TF: variants seen among roughly 807,000 people sequenced by gnomAD.
TF encodes the protein serotransferrin.
In TF, 55 loss-of-function variants were observed where a neutral mutation model predicts 82.4. The ratio of observed to expected loss-of-function variants is 0.67; its 90% CI spans 0.54 to 0.84. TF has a LOEUF of 0.84. Ranked by LOEUF, TF falls within the 40% of genes least tolerant of loss-of-function variation. The pLI, the probability that TF is intolerant of heterozygous loss-of-function variation, is 0.00. For missense variants in TF, 737 were observed against 868.4 expected (o/e 0.85, Z 1.90); for synonymous variants, 332 against 332.6 (o/e 1.00, Z 0.02).
At chr3:133,763,858 A>ATT (rs1322610638) in intron 9 of TF, among the ~76,000 whole-genome samples, 1 of 152,222 alleles carries the variant, frequency 6.6e-6, no homozygotes, top group African/African-American at 2.4e-5. Flanking sequence ...GCACGTGAGA[A>ATT]TTCTTGGTGT....
chr3:133,754,288 G>A (rs998877296), intron 3 of TF, among the ~76,000 whole-genome samples: 2 of 152,192 alleles, frequency 1.3e-5, no homozygotes, highest in African/African-American at 4.8e-5. Context: ...CTGTTTGCCT[G>A]GAGGGGTAAT....
At chr3:133,746,868 C>A (rs1933516600) in intron 1 of TF, among the ~76,000 whole-genome samples, 1 of 152,194 alleles carries the variant, frequency 6.6e-6, no homozygotes. Context: ...CCCCTGGGTG[C>A]CCTGGGAGCT....
At chr3:133,730,771 A>C in the TF span, among the ~76,000 whole-genome samples, 1 of 152,238 alleles carries the variant, frequency 6.6e-6, no homozygotes, top group South Asian at 2.1e-4. Context: ...ACATGTTTAC[A>C]TACAATTTTT....
chr3:133,681,471 C>T, the TF span, among the ~76,000 whole-genome samples: 114 of 152,326 alleles, frequency 7.5e-4, no homozygotes, highest in African/African-American at 1.3e-3. Flanking sequence ...CCGTGACAGA[C>T]GGCACCTGGA....
At chr3:133,754,195 AG>A (rs1400782227) in intron 3 of TF, 5 of 449,108 alleles carry the variant, frequency 1.1e-5, no homozygotes, top group Non-Finnish European at 2.1e-5. Flanking sequence ...CTGGTGGCTG[AG>A]GTTGGTAGGT....
intron 9 of TF, 21 bp from the exon 10 acceptor site, chr3:133,764,161 T>G: frequency 6.2e-7 from 1 of 1,609,484 alleles, no homozygotes; most frequent in Non-Finnish European, 8.5e-7. Context: ...TCATCTGCTG[T>G]GATTTGCTGT....
Position 133,766,414 on chromosome 3 carries a change from G to A in TF, c.1467G>A (p.Lys489=), listed in dbSNP as rs995626265. Residue 489 remains lysine, a synonymous_variant, in exon 12 of 17, where the codon AAG becomes AAA. Coordinates refer to ENST00000402696, the MANE Select transcript of TF (RefSeq NM_001063.4). ...WNIPMGLLYN[K]INHCRFDEFF... is the part of the protein sequence containing the mutation. ...TCCCCATGGGCCTGCTCTACAATAAGATCAACCACTGCAGATTTGGTGAGT... is the reference window on the plus strand; with the variant it reads ...TCCCCATGGGCCTGCTCTACAATAAAATCAACCACTGCAGATTTGGTGAGT... The A allele has an allele frequency of 6.2e-7, 1 of 1,614,196 alleles. No homozygotes were observed. Among genetic ancestry groups the A allele is most frequent in the Non-Finnish European group, 8.5e-7 (1 of 1,180,020 alleles).
At chr3:133,699,530 C>T in the TF span, 96 of 994,818 alleles carry the variant, frequency 9.7e-5, no homozygotes, top group South Asian at 1.1e-3. Flanking sequence ...GATACAAGGA[C>T]TGCCATTTGG....
the TF span, among the ~76,000 whole-genome samples, chr3:133,729,733 A>G: frequency 3.1e-3 from 469 of 152,144 alleles, 1 homozygote; most frequent in African/African-American, 0.011. Context: ...AAATGCAGAA[A>G]TCACCCGTCT....
the TF span, among the ~76,000 whole-genome samples, chr3:133,667,550 T>C: frequency 2.0e-5 from 3 of 149,592 alleles, no homozygotes; most frequent in Non-Finnish European, 4.5e-5. Context: ...CACCATCAAC[T>C]GAGAGAGAGA....
intron 10 of TF, 51 bp downstream of exon 10, chr3:133,764,326 G>C (rs764416137): frequency 6.9e-6 from 10 of 1,447,976 alleles, no homozygotes; most frequent in Non-Finnish European, 9.7e-6. Flanking sequence ...GGGCCATGGA[G>C]AGAGGAGATG....
At chr3:133,682,598 A>T in the TF span, among the ~76,000 whole-genome samples, 1 of 152,264 alleles carries the variant, frequency 6.6e-6, no homozygotes, top group Non-Finnish European at 1.5e-5. Context: ...CAAGTGGAAG[A>T]AAGAGTATCA....
At chr3:133,769,951 G>A (rs1008416065) in intron 13 of TF, among the ~76,000 whole-genome samples, 5 of 152,154 alleles carry the variant, frequency 3.3e-5, no homozygotes, top group African/African-American at 1.2e-4. Context: ...AGAGATATGT[G>A]GCCTGGGAGT....
intron 8 of TF, among the ~76,000 whole-genome samples, chr3:133,758,756 G>T (rs41295778): frequency 0.015 from 2,222 of 152,278 alleles, 50 homozygotes; most frequent in South Asian, 0.11. Flanking sequence ...TGCTAGCATT[G>T]CCCTAACCCT....
chr3:133,746,110 T>TCCCAGC, upstream of TF: 2 of 463,040 alleles, frequency 4.3e-6, no homozygotes, highest in South Asian at 4.1e-5. Context: ...GCCCCCCGGC[T>TCCCAGC]CCCAGCCCGC....
the TF span, among the ~76,000 whole-genome samples, chr3:133,679,908 G>C: frequency 5.3e-5 from 8 of 152,324 alleles, no homozygotes; most frequent in African/African-American, 1.7e-4. Flanking sequence ...CCCACCAGCA[G>C]CATATAAGAA....
chr3:133,742,635 G>T (rs1576351724), upstream of TF, among the ~76,000 whole-genome samples: 1 of 152,158 alleles, frequency 6.6e-6, no homozygotes, highest in Non-Finnish European at 1.5e-5. Flanking sequence ...AGGCTGCCAG[G>T]CTGCTGCTTC....
the TF span, among the ~76,000 whole-genome samples, chr3:133,710,898 C>A: frequency 2.6e-5 from 4 of 152,196 alleles, no homozygotes; most frequent in African/African-American, 9.7e-5. Context: ...ACTCACTCTT[C>A]AACTCCCTGC....
chr3:133,699,370 G>C, the TF span: 1 of 765,570 alleles, frequency 1.3e-6, no homozygotes, highest in Non-Finnish European at 2.0e-6. Flanking sequence ...TGATGGTTCG[G>C]TGAGGGGCAT....
Sources: gnomAD v4.1 joint callset for allele counts (sites outside exome capture counted in the v4.1 genomes callset) on GRCh38, gnomAD v4.1.1 for gene constraint, MANE v1.5 for transcripts, NCBI Gene and HGNC (gene_info 2026-07-23, HGNC 2026-07-21) for gene names.